Variants in DLX4 observed in about 807,000 individuals in gnomAD.
DLX4 encodes the protein homeobox protein DLX-4.
In DLX4, 13 loss-of-function variants were observed where a neutral mutation model predicts 17.1. That is an observed-to-expected ratio of 0.76 (90% CI 0.49 to 1.21). The LOEUF is 1.21. Among genes scored for constraint, DLX4 ranks in the 50% most tolerant of loss-of-function variants. The pLI is 0.00. For missense variants in DLX4, 297 were observed against 301.4 expected, an observed-to-expected ratio of 0.99 and a Z score of 0.11; for synonymous variants, 129 against 140.3, an observed-to-expected ratio of 0.92 and a Z score of 0.57.
rs1332467603 is a variant in DLX4, at chr17:49,973,742, G to A, written c.522G>A (p.Lys174=). The change falls in exon 3 of 3, where the codon AAG becomes AAA. Residue 174 remains lysine (K), a synonymous_variant. Coordinates refer to ENST00000240306, the MANE Select transcript of DLX4 (RefSeq NM_138281.3). ...AGAACAAACGCTCCAAGTATAAGAA[G>A]CTCCTGAAGCAGAATTCTGGGGGGC... The part of the protein sequence containing the change: ...WFQNKRSKYK[K]LLKQNSGGQE... 1 of 1,525,378 alleles carries A rather than the reference G, an allele frequency of 6.6e-7. No individual in the cohort carries two copies. The highest frequency in any genetic ancestry group is 2.2e-5 in the Admixed American group (1 of 45,196). The allele number at this position is 1,525,378 out of a possible 1,614,324, so 94.5% of individuals were successfully genotyped here. A position where few individuals can be genotyped will look rare whatever the true frequency, so the allele number is the denominator to read the frequency against.
In DLX4 at chr17:49,973,053, C is replaced by G; in HGVS notation, c.284-20C>G. ...CTCGCTCCCTCCTCGCCCCCTACAC[C>G]GTGTTGTGCTGCCCACCAGACTCGG... On this transcript the variant is annotated intron_variant, in intron 1 of 2. Transcript: ENST00000240306. The G allele has an allele frequency of 1.2e-6, 2 of 1,613,650 alleles. No individual in the cohort carries two copies. Among genetic ancestry groups the G allele is most frequent in the South Asian group, 1.1e-5 (1 of 91,036 alleles).
rs1905561106 is a variant in DLX4 at position 49,972,927 on chromosome 17, G to C, written c.284-146G>C. 6 of 1,474,290 alleles carry C rather than the reference G, an allele frequency of 4.1e-6. No individual in the cohort carries two copies. In the South Asian group the frequency reaches 8.4e-5, roughly 21 times the overall value. The allele number at this position is 1,474,290 out of a possible 1,614,324, so 91.3% of individuals were successfully genotyped here. A position where few individuals can be genotyped will look rare whatever the true frequency, so the allele number is the denominator to read the frequency against. On this transcript the variant is annotated intron_variant, in intron 1 of 2. Coordinates refer to ENST00000240306, the MANE Select transcript of DLX4 (RefSeq NM_138281.3). This position sits in a 1 kb window ranked among gnomAD's most constrained non-coding sequence, Gnocchi z 5.4. ...GCTCCACGCGGAAGGTAGAGGGCAG[G>C]GGCCAAGGGGGCGATCCTGGTGGCT...
At position 49,974,095 on chromosome 17, in the gene DLX4, G is replaced by C. The variant is rs1905631432; in HGVS notation, c.*152G>C. On this transcript the variant is annotated 3_prime_UTR_variant, in exon 3 of 3. Transcript: ENST00000240306. Reference sequence around the variant, plus strand: ...TTAGAGGAGAAAAAGGAATGGAGCAGAGCCTGTACCCCTAACCCTAACAGC... The same window carrying C: ...TTAGAGGAGAAAAAGGAATGGAGCACAGCCTGTACCCCTAACCCTAACAGC... 1 of 1,027,796 alleles carries C rather than the reference G, an allele frequency of 9.7e-7. No homozygotes were observed. 63.7% of individuals were successfully genotyped at this position (1,027,796 alleles called of 1,614,324 possible).
At chr17:49,968,895 C>T (rs1905397359), upstream of DLX4, 1 of 152,342 alleles carries the variant, frequency 6.6e-6, no homozygotes, top group African/African-American at 2.4e-5. Flanking sequence ...TCTCCGCAGC[C>T]CCCGGGCCTC....
At chr17:49,971,180 T>C (rs1005425754) in intron 1 of DLX4, among the ~76,000 whole-genome samples, 2 of 152,216 alleles carry the variant, frequency 1.3e-5, no homozygotes, top group African/African-American at 4.8e-5. Flanking sequence ...GTTGGTGTTG[T>C]CAGTCTTGTC....
In DLX4 at chr17:49,972,855, G is replaced by C. The variant is rs939989818; in HGVS notation, c.284-218G>C. The C allele has an allele frequency of 6.9e-7, 1 of 1,441,420 alleles. No individual in the cohort carries two copies. The allele number at this position is 1,441,420 out of a possible 1,614,324, so 89.3% of individuals were successfully genotyped here. A position where few individuals can be genotyped will look rare whatever the true frequency, so the allele number is the denominator to read the frequency against. On this transcript the variant is annotated intron_variant, in intron 1 of 2. Transcript: ENST00000240306. This position sits in a 1 kb window ranked among gnomAD's most constrained non-coding sequence, Gnocchi z 5.4. ...TACGAGTGGGAGCTCCCTGGGAGCA[G>C]AACTGCGTCTTGTATCACCTGGCGC...
Position 49,969,434 on chromosome 17 carries a change from C to T in DLX4, c.-35C>T. The T allele has an allele frequency of 6.7e-7, 1 of 1,485,834 alleles. No individual in the cohort carries two copies. Among genetic ancestry groups the T allele is most frequent in the Non-Finnish European group, 8.9e-7 (1 of 1,123,994 alleles). The allele number at this position is 1,485,834 out of a possible 1,614,324, so 92.0% of individuals were successfully genotyped here. On this transcript the variant is annotated 5_prime_UTR_variant, in exon 1 of 3. Coordinates refer to ENST00000240306, the MANE Select transcript of DLX4 (RefSeq NM_138281.3). ...TTGGCAGCGGGAGCGGACTACGTGCCGGGCCATGGCCCTTCTGCCCGGGCC... is the reference window on the plus strand; with the variant it reads ...TTGGCAGCGGGAGCGGACTACGTGCTGGGCCATGGCCCTTCTGCCCGGGCC...
Position 49,969,607 on chromosome 17 carries a change from T to G in DLX4, c.139T>G (p.Tyr47Asp). Residue 47 changes from tyrosine (Y) to aspartate (D), a missense_variant, in exon 1 of 3, where the codon TAC (tyrosine) becomes GAC (aspartate). Transcript: ENST00000240306. ...AACCGCAGCCTCCCCCAATTTGTCC[T>G]ACTCCAGGCCGTATGGCCACCTCCT... is the stretch of plus-strand genomic sequence containing the variant. ...PTTAASPNLSYSRPYGHLLSY... is the reference protein window; with the variant it reads ...PTTAASPNLSDSRPYGHLLSY... The G allele has an allele frequency of 6.2e-7, 1 of 1,613,446 alleles. No individual in the cohort carries two copies. Among genetic ancestry groups the G allele is most frequent in the Non-Finnish European group, 8.5e-7 (1 of 1,179,942 alleles).
In DLX4 at chr17:49,969,218, A is replaced by C; in HGVS notation, c.-251A>C. On this transcript the variant is annotated 5_prime_UTR_variant, in exon 1 of 3. Coordinates refer to ENST00000240306, the MANE Select transcript of DLX4 (RefSeq NM_138281.3). ...GGGTCCCGGGAACCGAACCCGATGG[A>C]GAGGAGGGGGCCCCCATGGATTTAG... is the stretch of plus-strand genomic sequence containing the variant. The C allele has an allele frequency of 2.6e-6, 1 of 379,962 alleles. No homozygotes were observed. 23.5% of individuals were successfully genotyped at this position (379,962 alleles called of 1,614,324 possible).
chr17:49,969,185 C>A (rs1481703900), upstream of DLX4: 1 of 341,946 alleles, frequency 2.9e-6, no homozygotes, highest in Non-Finnish European at 5.3e-6. Flanking sequence ...GAGGGCGGGG[C>A]CCCCGTCGGG....
In DLX4 at chr17:49,974,297, C is replaced by G. The variant is rs1371578614; in HGVS notation, c.*354C>G. 1 of 194,504 alleles carries G rather than the reference C, an allele frequency of 5.1e-6. No homozygotes were observed. The highest frequency in any genetic ancestry group is 2.3e-5 in the African/African-American group (1 of 43,114). The allele number at this position is 194,504 out of a possible 1,614,324, so 12.0% of individuals were successfully genotyped here. A position where few individuals can be genotyped will look rare whatever the true frequency, so the allele number is the denominator to read the frequency against. On this transcript the variant is annotated 3_prime_UTR_variant, in exon 3 of 3. Transcript: ENST00000240306. Reference sequence around the variant, plus strand: ...TCCTTCTTCCCTCTCTCCCTTTCTCCTCTCCCTGCTTTCTTGAAAAGGACT... The same window carrying G: ...TCCTTCTTCCCTCTCTCCCTTTCTCGTCTCCCTGCTTTCTTGAAAAGGACT...
Position 49,973,819 on chromosome 17 carries a change from C to T in DLX4, c.599C>T (p.Pro200Leu). ...RTFSVSPCSPPLPSLWDLPKA... is the reference protein window; with the variant it reads ...RTFSVSPCSPLLPSLWDLPKA... ...TTCTCTGTGTCTCCCTGCTCCCCAC[C>T]CCTCCCCTCCCTCTGGGATCTACCC... Residue 200 changes from proline to leucine, a missense_variant, in exon 3 of 3, where the codon CCC becomes CTC. Physicochemically the swap from Pro to Leu is moderately conservative, Grantham distance 98 (BLOSUM62 -3). Transcript: ENST00000240306. 2.5e-6 allele frequency: 4 copies of T among 1,609,056 alleles called. No individual in the cohort carries two copies. The South Asian group carries it at 3.3e-5, about 13-fold the overall frequency.
In DLX4 at chr17:49,969,220, A is replaced by G. The variant is rs1464621284; in HGVS notation, c.-249A>G. On this transcript the variant is annotated 5_prime_UTR_variant, in exon 1 of 3. Transcript: ENST00000240306. ...GTCCCGGGAACCGAACCCGATGGAG[A>G]GGAGGGGGCCCCCATGGATTTAGGG... 3 of 391,734 alleles carry G rather than the reference A, an allele frequency of 7.7e-6. No homozygotes were observed. Among genetic ancestry groups the G allele is most frequent in the Non-Finnish European group, 8.9e-6 (2 of 223,788 alleles). 24.3% of individuals were successfully genotyped at this position (391,734 alleles called of 1,614,324 possible). A position where few individuals can be genotyped will look rare whatever the true frequency, so the allele number is the denominator to read the frequency against.
rs1905425408 is a variant in DLX4, at chr17:49,969,531, C to T, written c.63C>T (p.Leu21=). The part of the protein sequence containing the change: ...RDASKAVFPD[L]APVPSVAAAY... ...CCTCCAAAGCTGTCTTCCCAGACCTCGCCCCTGTCCCGTCGGTAGCGGCTG... is the reference window on the plus strand; with the variant it reads ...CCTCCAAAGCTGTCTTCCCAGACCTTGCCCCTGTCCCGTCGGTAGCGGCTG... The change falls in exon 1 of 3, where the codon CTC becomes CTT. Residue 21 remains leucine (L), a synonymous_variant. Transcript: ENST00000240306. The T allele has an allele frequency of 6.2e-7, 1 of 1,612,702 alleles. No individual in the cohort carries two copies. Among genetic ancestry groups the T allele is most frequent in the East Asian group, 2.2e-5 (1 of 44,850 alleles).
rs1318876150 is a variant in DLX4 at position 49,973,212 on chromosome 17, C to T, written c.423C>T (p.Tyr141=). Residue 141 remains tyrosine, a synonymous_variant, in exon 2 of 3, where the codon TAC becomes TAT. Coordinates refer to ENST00000240306, the MANE Select transcript of DLX4 (RefSeq NM_138281.3). ...ACCAGCGTTTCCAGCACACGCAGTACCTGGCGCTGCCCGAGAGGGCCCAGC... is the reference window on the plus strand; with the variant it reads ...ACCAGCGTTTCCAGCACACGCAGTATCTGGCGCTGCCCGAGAGGGCCCAGC... The part of the protein sequence containing the change: ...HLNQRFQHTQ[Y]LALPERAQLA... The T allele has an allele frequency of 8.1e-6, 13 of 1,614,050 alleles. No individual in the cohort carries two copies. Among genetic ancestry groups the T allele is most frequent in the Non-Finnish European group, 1.1e-5 (13 of 1,180,056 alleles).
At position 49,969,609 on chromosome 17, in the gene DLX4, C is replaced by T. The variant is rs777224795; in HGVS notation, c.141C>T (p.Tyr47=). 6.2e-7 allele frequency: 1 copy of T among 1,613,430 alleles called. No individual in the cohort carries two copies. The highest frequency in any genetic ancestry group is 2.2e-5 in the East Asian group (1 of 44,860). The change falls in exon 1 of 3, where the codon TAC becomes TAT. Residue 47 remains tyrosine (Y), a synonymous_variant. Transcript: ENST00000240306. ...CCGCAGCCTCCCCCAATTTGTCCTA[C>T]TCCAGGCCGTATGGCCACCTCCTGT... ...PTTAASPNLS[Y]SRPYGHLLSY...
chr17:49,973,481 G>T (rs1322393219), intron 2 of DLX4: 1 of 975,600 alleles, frequency 1.0e-6, no homozygotes, highest in Non-Finnish European at 1.5e-6. Context: ...AGTGGGTCAG[G>T]AAGAGGAGGG....
chr17:49,972,834 A>T lies in DLX4; in HGVS notation c.284-239A>T. ...TTCCTAGGGTCACAGGACCCATACG[A>T]GTGGGAGCTCCCTGGGAGCAGAACT... On this transcript the variant is annotated intron_variant, in intron 1 of 2. Coordinates refer to ENST00000240306, the MANE Select transcript of DLX4 (RefSeq NM_138281.3). The surrounding 1 kb of genome is among the most constrained non-coding windows in gnomAD (Gnocchi z 5.4). 1 of 1,424,066 alleles carries T rather than the reference A, an allele frequency of 7.0e-7. No homozygotes were observed. Among genetic ancestry groups the T allele is most frequent in the Non-Finnish European group, 9.2e-7 (1 of 1,088,612 alleles). 88.2% of individuals were successfully genotyped at this position (1,424,066 alleles called of 1,614,324 possible).
Position 49,969,332 on chromosome 17 carries a change from T to G in DLX4, c.-137T>G. The G allele has an allele frequency of 9.6e-7, 1 of 1,040,762 alleles. No individual in the cohort carries two copies. The highest frequency in any genetic ancestry group is 1.8e-5 in the South Asian group (1 of 56,498). The allele number at this position is 1,040,762 out of a possible 1,614,324, so 64.5% of individuals were successfully genotyped here. A position where few individuals can be genotyped will look rare whatever the true frequency, so the allele number is the denominator to read the frequency against. On this transcript the variant is annotated 5_prime_UTR_variant, in exon 1 of 3. Transcript: ENST00000240306. ...GCTGAAAGAGGCTCAGAGAGACACT[T>G]TCTCCGGGATCTTAAGTGTGGGGGC...
Sources: gnomAD v4.1 joint callset for allele counts (sites outside exome capture counted in the v4.1 genomes callset) on GRCh38, gnomAD v4.1.1 for gene constraint, Gnocchi (gnomAD v3.1) non-coding constraint, MANE v1.5 for transcripts, NCBI Gene and HGNC (gene_info 2026-07-23, HGNC 2026-07-21) for gene names.